Variants in PEX14 observed in about 807,000 individuals in gnomAD.
PEX14 encodes peroxisomal membrane protein PEX14.
Under a neutral mutation model 49.5 loss-of-function variants are expected in PEX14, and 15 were observed. The observed-to-expected ratio is 0.30, with a 90% CI of 0.20 to 0.47. The LOEUF is 0.47. PEX14 is among the 20% of genes least tolerant of loss of function. The pLI is 1.00. For missense variants in PEX14, 398 were observed against 494.8 expected (o/e 0.80, Z 1.86); for synonymous variants, 210 against 212.7 (o/e 0.99, Z 0.11).
At chr1:10,501,942 A>G (rs914436933) in intron 2 of PEX14, among the ~76,000 whole-genome samples, 5 of 151,874 alleles carry the variant, frequency 3.3e-5, no homozygotes, top group Admixed American at 2.0e-4. Flanking sequence ...ACAGTAAATC[A>G]TCTACAAAAA....
intron 3 of PEX14, among the ~76,000 whole-genome samples, chr1:10,587,895 CTTT>C (rs762006360): frequency 0.23 from 12,781 of 55,478 alleles, 1,738 homozygotes; most frequent in Non-Finnish European, 0.3. Context: ...CACACATGTG[CTTT>C]TTTTTTTTTT....
intron 2 of PEX14, among the ~76,000 whole-genome samples, chr1:10,509,697 A>T (rs1641850600): frequency 6.6e-6 from 1 of 152,040 alleles, no homozygotes; most frequent in South Asian, 2.1e-4. Context: ...GATTTGGTTT[A>T]ATGTACAATT....
chr1:10,543,810 G>T (rs564857778), intron 3 of PEX14, among the ~76,000 whole-genome samples: 112 of 152,248 alleles, frequency 7.4e-4, no homozygotes, highest in Non-Finnish European at 7.6e-4. Flanking sequence ...GTGTTTCCCA[G>T]GCTGGTCTCA....
chr1:10,577,083 G>C (rs1640137838), intron 3 of PEX14, among the ~76,000 whole-genome samples: 1 of 151,824 alleles, frequency 6.6e-6, no homozygotes, highest in African/African-American at 2.4e-5. Context: ...ATGTACAAGA[G>C]CAAGGCTCAC....
chr1:10,499,675 C>T (rs1641635505), intron 2 of PEX14, among the ~76,000 whole-genome samples: 1 of 152,094 alleles, frequency 6.6e-6, no homozygotes, highest in Admixed American at 6.6e-5. Context: ...TCTGGATCTC[C>T]TGACCTTGTG....
chr1:10,622,604 C>T (rs1641627560), intron 5 of PEX14, among the ~76,000 whole-genome samples: 1 of 152,222 alleles, frequency 6.6e-6, no homozygotes, highest in South Asian at 2.1e-4. Flanking sequence ...CCGGGAAGAG[C>T]TGCCCCGCCT....
In PEX14 at chr1:10,614,988, G is replaced by A. The variant is rs1029403029; in HGVS notation, c.299-3344G>A. On this transcript the variant is annotated intron_variant, in intron 4 of 8. Transcript: ENST00000356607. ...TCCTTGGGGTCGAGGTGAAAGATCC[G>A]TCTGCCTCAGTGCTCTTAGAGCTCC... Among the ~76,000 whole-genome samples the A allele has an allele frequency of 7.9e-5, 12 of 152,320 alleles. No individual in the cohort carries two copies. In the South Asian group the frequency reaches 1.0e-3, roughly 13 times the overall value.
chr1:10,523,825 T>TAAAAA (rs59324356), intron 2 of PEX14, among the ~76,000 whole-genome samples: 1 of 132,370 alleles, frequency 7.6e-6, no homozygotes, highest in Non-Finnish European at 1.6e-5. Flanking sequence ...TCCTTTTAGT[T>TAAAAA]AAAAAAAAAA....
At chr1:10,591,637 G>GTGTA (rs1334789768) in intron 3 of PEX14, among the ~76,000 whole-genome samples, 5 of 132,366 alleles carry the variant, frequency 3.8e-5, no homozygotes, top group Non-Finnish European at 7.8e-5. Context: ...TATACACACT[G>GTGTA]TGTGTGTGTG....
chr1:10,487,868 C>A (rs1641399478), intron 1 of PEX14, among the ~76,000 whole-genome samples: 1 of 152,014 alleles, frequency 6.6e-6, no homozygotes, highest in Non-Finnish European at 1.5e-5. Flanking sequence ...GCAACTTCTG[C>A]CTCCTGGGTT....
intron 4 of PEX14, among the ~76,000 whole-genome samples, chr1:10,600,180 G>T (rs1404799188): frequency 6.6e-6 from 1 of 152,236 alleles, no homozygotes; most frequent in Non-Finnish European, 1.5e-5. Context: ...TGCACTTTGG[G>T]AGGCTGAGGC....
chr1:10,503,039 G>A (rs983110702), intron 2 of PEX14, among the ~76,000 whole-genome samples: 3 of 151,520 alleles, frequency 2.0e-5, no homozygotes, highest in Admixed American at 6.6e-5. Context: ...GGGCTCAAGC[G>A]ATCCCCCCGC....
chr1:10,618,891 T>TGTCG (rs1641512554), intron 5 of PEX14, among the ~76,000 whole-genome samples: 1 of 152,218 alleles, frequency 6.6e-6, no homozygotes, highest in Admixed American at 6.5e-5. Flanking sequence ...TTCACAAGGT[T>TGTCG]GTCGTGAAGT....
intron 2 of PEX14, among the ~76,000 whole-genome samples, chr1:10,534,428 C>T (rs771955898): frequency 6.6e-6 from 1 of 152,012 alleles, no homozygotes; most frequent in Non-Finnish European, 1.5e-5. Flanking sequence ...GTACTGTTGC[C>T]TTCTTCTCCC....
intron 3 of PEX14, among the ~76,000 whole-genome samples, chr1:10,582,190 A>C (rs1418776933): frequency 6.6e-6 from 1 of 151,596 alleles, no homozygotes; most frequent in Non-Finnish European, 1.5e-5. Flanking sequence ...TTTTTTTTTA[A>C]GAGGGGAAAA....
intron 3 of PEX14, among the ~76,000 whole-genome samples, chr1:10,547,558 G>T (rs974660238): frequency 8.5e-5 from 13 of 152,104 alleles, no homozygotes; most frequent in African/African-American, 3.1e-4. Context: ...TTTTTCTTAT[G>T]CTTGCATACC....
rs75340209 is a variant in PEX14, at chr1:10,529,240, T to C, written c.85-6973T>C. Among the ~76,000 whole-genome samples the C allele has an allele frequency of 0.014, 2,092 of 152,348 alleles. 61 individuals carry two copies. Among genetic ancestry groups the C allele is most frequent in the African/African-American group, 0.048 (1,989 of 41,570 alleles). ...AACCCACAAGCAAGGGTTTCATTTC[T>C]TCCAGGCCGGCGTGTACTCCACAGC... is the stretch of plus-strand genomic sequence containing the variant. On this transcript the variant is annotated intron_variant, in intron 2 of 8. Coordinates refer to ENST00000356607, the MANE Select transcript of PEX14 (RefSeq NM_004565.3). The surrounding 1 kb of genome is among the most constrained non-coding windows in gnomAD (Gnocchi z 4.2).
intron 3 of PEX14, among the ~76,000 whole-genome samples, chr1:10,557,220 A>G (rs1038268703): frequency 6.6e-6 from 1 of 152,170 alleles, no homozygotes; most frequent in African/African-American, 2.4e-5. Context: ...ATTTTACACA[A>G]TTATAGCAAC....
chr1:10,585,685 C>T (rs548363600), intron 3 of PEX14, among the ~76,000 whole-genome samples: 4 of 152,278 alleles, frequency 2.6e-5, no homozygotes, highest in Admixed American at 6.5e-5. Context: ...TTCGGGAGGC[C>T]GAGGTGAGCA....
Sources: allele counts gnomAD v4.1 joint callset (sites outside exome capture counted in the v4.1 genomes callset), GRCh38; gene constraint gnomAD v4.1.1; non-coding constraint Gnocchi (gnomAD v3.1); transcripts MANE v1.5; gene names NCBI Gene and HGNC (gene_info 2026-07-23, HGNC 2026-07-21).